The following RIBC1 variants were observed in gnomAD, a reference collection of about 807,000 sequenced individuals.
RIBC1 encodes the protein RIB43A-like with coiled-coils protein 1.
RIBC1 carries 12 observed loss-of-function variants against 33.7 expected under a neutral mutation model. That is an observed-to-expected ratio of 0.36 (90% CI 0.23 to 0.58). The LOEUF (loss-of-function observed/expected upper bound fraction) is 0.58, where lower values mean the gene tolerates loss of function less well. RIBC1 is among the 20% of genes least tolerant of loss of function. The pLI, the probability that RIBC1 is intolerant of heterozygous loss-of-function variation, is 0.81. For synonymous variants in RIBC1, 89 were observed against 109.0 expected (o/e 0.82, Z 1.14); for missense variants, 242 against 311.6 (o/e 0.78, Z 1.68).
At chrX:53,424,807 T>A (rs2075782630) in intron 2 of RIBC1, among the ~76,000 whole-genome samples, 1 of 109,118 alleles carries the variant, frequency 9.2e-6, no homozygotes, top group South Asian at 4.1e-4. Flanking sequence ...GGCTCATGCC[T>A]GTAATACCAG....
At chrX:53,430,873 C>A in intron 7 of RIBC1, 34 bp from the exon 8 acceptor site, 1 of 1,210,265 alleles carries the variant, frequency 8.3e-7, no homozygotes, top group Non-Finnish European at 1.1e-6. Flanking sequence ...AGAGGGAAAG[C>A]ATGTCAGCTG....
intron 6 of RIBC1, 148 bp downstream of exon 6, chrX:53,430,120 T>C (rs1269927990): frequency 2.0e-5 from 10 of 508,836 alleles, no homozygotes; most frequent in Admixed American, 3.8e-5. Flanking sequence ...TGAAGGCCCC[T>C]CTTAGGGTAC....
rs782285010 is a variant in RIBC1 at position 53,430,351 on chromosome X, C to A, written c.664-45C>A. 4 of 1,114,843 alleles carry A rather than the reference C, an allele frequency of 3.6e-6. No individual in the cohort carries two copies. In the African/African-American group the frequency reaches 7.2e-5, roughly 20 times the overall value. 91.9% of individuals were successfully genotyped at this position (1,114,843 alleles called of 1,213,427 possible). On this transcript the variant is annotated intron_variant, in intron 6 of 7. Coordinates refer to ENST00000375327, the MANE Select transcript of RIBC1 (RefSeq NM_001031745.5). ...TCCCCCCTCCCCTGTGACAGAGTTC[C>A]CTGAGGTTGGGCACCCAAATGTTTG...
chrX:53,425,832 T>C (rs1327459235), intron 2 of RIBC1, among the ~76,000 whole-genome samples: 1 of 112,108 alleles, frequency 8.9e-6, no homozygotes, highest in Non-Finnish European at 1.9e-5. Context: ...GTGTTGTAGA[T>C]GTGTTTGAGG....
chrX:53,430,933 A>G lies in RIBC1; in HGVS notation c.1085A>G (p.Tyr362Cys). Residue 362 changes from tyrosine to cysteine, a missense_variant, in exon 8 of 8, where the codon TAC (tyrosine) becomes TGC (cysteine). By Grantham distance (194) the Tyr-to-Cys change is radical. Coordinates refer to ENST00000375327, the MANE Select transcript of RIBC1 (RefSeq NM_001031745.5). ...CAGGATTACCTGAATTCAGTAATCT[A>G]CACCAATCAACCTACAGCCCAGTAT... Reference protein sequence around the residue: ...AQQDYLNSVIYTNQPTAQYHQ... With the variant: ...AQQDYLNSVICTNQPTAQYHQ... 1 of 1,211,209 alleles carries G rather than the reference A, an allele frequency of 8.3e-7. No homozygotes were observed. The highest frequency in any genetic ancestry group is 1.8e-5 in the South Asian group (1 of 56,971).
intron 5 of RIBC1, 184 bp downstream of exon 5, chrX:53,428,811 G>C: frequency 9.2e-7 from 1 of 1,081,124 alleles, no homozygotes; most frequent in Non-Finnish European, 1.2e-6. Context: ...TGACAGTGTA[G>C]CATTGTTCTT....
At chrX:53,429,506 A>G (rs2075810497) in intron 5 of RIBC1, 1 of 195,570 alleles carries the variant, frequency 5.1e-6, no homozygotes, top group South Asian at 1.7e-4. Context: ...CCAACTAGAC[A>G]GGGAGTTCTC....
chrX:53,426,240 G>A (rs782786978), intron 2 of RIBC1, 37 bp from the exon 3 acceptor site: 5 of 931,314 alleles, frequency 5.4e-6, no homozygotes, highest in South Asian at 2.0e-5. Flanking sequence ...GACGGTGGTC[G>A]GCACTGATGG....
At chrX:53,426,239 C>T (rs782090821) in intron 2 of RIBC1, 38 bp from the exon 3 acceptor site, 8 of 925,862 alleles carry the variant, frequency 8.6e-6, no homozygotes, top group African/African-American at 1.9e-5. Context: ...AGACGGTGGT[C>T]GGCACTGATG....
chrX:53,425,251 G>A (rs2075784886), intron 2 of RIBC1, among the ~76,000 whole-genome samples: 1 of 110,966 alleles, frequency 9.0e-6, no homozygotes, highest in African/African-American at 3.3e-5. Context: ...GGGAGACAGT[G>A]GTTTGAGACA....
chrX:53,425,476 T>C (rs1314639826), intron 2 of RIBC1, among the ~76,000 whole-genome samples: 1 of 104,634 alleles, frequency 9.6e-6, no homozygotes, highest in Non-Finnish European at 1.9e-5. Context: ...AAATTTAGCT[T>C]TCTAGCCTTT....
At chrX:53,427,436 A>G (rs925806029) in intron 3 of RIBC1, among the ~76,000 whole-genome samples, 10 of 112,421 alleles carry the variant, frequency 8.9e-5, no homozygotes, top group Non-Finnish European at 1.7e-4. Context: ...TCCAGCTGAC[A>G]AGCTGACAAG....
At chrX:53,426,122 A>G (rs1234165680) in intron 2 of RIBC1, among the ~76,000 whole-genome samples, 155 bp from the exon 3 acceptor site, 1 of 112,254 alleles carries the variant, frequency 8.9e-6, no homozygotes, top group African/African-American at 3.2e-5. Context: ...TGGTGACAGC[A>G]GAGATGGAGG....
chrX:53,424,140 C>T (rs782016778), intron 2 of RIBC1, among the ~76,000 whole-genome samples: 2 of 110,878 alleles, frequency 1.8e-5, no homozygotes, highest in Non-Finnish European at 3.8e-5. Context: ...TGAAGTTCAG[C>T]TGGGAGAAAC....
Position 53,430,396 on chromosome X carries a change from G to C in RIBC1, c.664G>C (p.Ala222Pro). Residue 222 changes from alanine (A) to proline (P), a missense_variant and splice_region_variant, in exon 7 of 8, where the codon GCA becomes CCA. By Grantham distance (27) the Ala-to-Pro change is conservative (BLOSUM62 -1). Coordinates refer to ENST00000375327, the MANE Select transcript of RIBC1 (RefSeq NM_001031745.5). ...CAMANANKAQ[A>P]AVQAGRQRCE... ...TGTTTGCATTTGGGGGCTCCACCAG[G>C]CAGCTGTGCAGGCTGGGCGTCAGCG... is the stretch of plus-strand genomic sequence containing the variant. 8.3e-7 allele frequency: 1 copy of C among 1,203,330 alleles called. No individual in the cohort carries two copies. The highest frequency in any genetic ancestry group is 1.1e-6 in the Non-Finnish European group (1 of 889,552).
At position 53,431,016 on chromosome X, in the gene RIBC1, TCTC is replaced by T. The variant is rs782773133; in HGVS notation, c.*33_*35del. 289 of 1,209,327 alleles carry T rather than the reference TCTC, an allele frequency of 2.4e-4. No homozygotes were observed. In the East Asian group the frequency reaches 8.3e-3, roughly 35 times the overall value. ...TCAGGATGTCTATCTCTCTCTCCCT[TCTC>T]CTCCATCAAGCTCACAGGTGGTTAG... On this transcript the variant is annotated 3_prime_UTR_variant, in exon 8 of 8. Coordinates refer to ENST00000375327, the MANE Select transcript of RIBC1 (RefSeq NM_001031745.5).
At position 53,423,906 on chromosome X, in the gene RIBC1, C is replaced by G. The variant is rs142397328; in HGVS notation, c.-1+504C>G. On this transcript the variant is annotated intron_variant, in intron 2 of 7. Coordinates refer to ENST00000375327, the MANE Select transcript of RIBC1 (RefSeq NM_001031745.5). ...CCAGCCTGGGCAACATAGTGAGACC[C>G]TATCTCTACTAAAAATTAAAAAATT... is the stretch of plus-strand genomic sequence containing the variant. Among the ~76,000 whole-genome samples, 1,044 of 110,694 alleles carry G rather than the reference C, an allele frequency of 9.4e-3. 6 individuals carry two copies. Among genetic ancestry groups the G allele is most frequent in the Non-Finnish European group, 0.014 (746 of 52,877 alleles).
At position 53,430,804 on chromosome X, in the gene RIBC1, GGTA is replaced by G. The variant is rs2075820652; in HGVS notation, c.1058+17_1058+19del. On this transcript the variant is annotated intron_variant, in intron 7 of 7. Coordinates refer to ENST00000375327, the MANE Select transcript of RIBC1 (RefSeq NM_001031745.5). The stretch of plus-strand genomic sequence containing the variant: ...GCAAAAAGCCCAGTGAGTTCTAGGT[GGTA>G]GTGGTGGAGATAAATGCCAAGGGAG... 8.3e-7 allele frequency: 1 copy of G among 1,203,993 alleles called. No homozygotes were observed. Among genetic ancestry groups the G allele is most frequent in the Non-Finnish European group, 1.1e-6 (1 of 891,737 alleles).
At position 53,430,602 on chromosome X, in the gene RIBC1, A is replaced by G; in HGVS notation, c.870A>G (p.Glu290=). The change falls in exon 7 of 8, where the codon GAA becomes GAG. Residue 290 remains glutamate, a synonymous_variant. Coordinates refer to ENST00000375327, the MANE Select transcript of RIBC1 (RefSeq NM_001031745.5). ...AAGCTGCCATCAGGAAAGAGCAGGA[A>G]GTACAACGCTCTAAGAAGCAAGCAC... The part of the protein sequence containing the change: ...EQQAAIRKEQ[E]VQRSKKQAHR... 1 of 1,205,746 alleles carries G rather than the reference A, an allele frequency of 8.3e-7. No homozygotes were observed. The highest frequency in any genetic ancestry group is 1.1e-6 in the Non-Finnish European group (1 of 891,893).
Sources: allele counts gnomAD v4.1 joint callset (sites outside exome capture counted in the v4.1 genomes callset), GRCh38; gene constraint gnomAD v4.1.1; transcripts MANE v1.5; gene names NCBI Gene and HGNC (gene_info 2026-07-23, HGNC 2026-07-21).